Variants in SLC1A7 observed in about 807,000 individuals in gnomAD.
The protein encoded by SLC1A7 is solute carrier family 1 member 7, also known as excitatory amino acid transporter 5.
SLC1A7 carries 40 observed loss-of-function variants against 47.7 expected under a neutral mutation model. That is an observed-to-expected ratio of 0.84 (90% confidence interval 0.65 to 1.09). The LOEUF (loss-of-function observed/expected upper bound fraction) is 1.09. Ranked by LOEUF, SLC1A7 falls within the 50% of genes least tolerant of loss-of-function variation. SLC1A7 has a pLI of 0.00. For synonymous variants in SLC1A7, 323 were observed against 325.6 expected (o/e 0.99, Z 0.09); for missense variants, 746 against 769.5 (o/e 0.97, Z 0.36).
chr1:53,088,885 CTG>C lies in SLC1A7; in HGVS notation c.1454_1455del (p.Thr485ArgfsTer54). 1 of 1,613,776 alleles carries C rather than the reference CTG, an allele frequency of 6.2e-7. No individual in the cohort carries two copies. Among genetic ancestry groups the C allele is most frequent in the South Asian group, 1.1e-5 (1 of 91,080 alleles). ...HICRKDFARD[T>X]GTEKLLPCET... ...GATCTCACTGCTCTCACCTCGGTGC[CTG>C]TGTCCCGGGCAAAATCCTTCCGACA... is the stretch of plus-strand genomic sequence containing the variant. On this transcript the variant is annotated frameshift_variant, in exon 10 of 11. Coordinates refer to ENST00000371494, the MANE Select transcript of SLC1A7 (RefSeq NM_006671.6). LOFTEE classifies it high-confidence loss of function.
intron 3 of SLC1A7, among the ~76,000 whole-genome samples, chr1:53,110,908 A>G (rs927651097): frequency 3.3e-5 from 5 of 151,822 alleles, no homozygotes; most frequent in African/African-American, 1.2e-4. Context: ...CCTCCTGGGG[A>G]TCAGACCCCA....
intron 3 of SLC1A7, among the ~76,000 whole-genome samples, chr1:53,107,153 T>TAAA (rs11417607): frequency 1.2e-4 from 3 of 24,336 alleles, no homozygotes; most frequent in Non-Finnish European, 2.0e-4. Context: ...AGACTCTGAC[T>TAAA]AAAAAAAAAA....
At chr1:53,137,299 A>AAAAAAAAAAAAAAAAAAAAAT (rs71044460) in intron 1 of SLC1A7, among the ~76,000 whole-genome samples, 6 of 139,690 alleles carry the variant, frequency 4.3e-5, no homozygotes, top group Non-Finnish European at 6.2e-5. Flanking sequence ...AAAAAAAAAA[A>AAAAAAAAAAAAAAAAAAAAAT]GTGCTCTACT....
rs1164435646 is a variant in SLC1A7 at position 53,103,538 on chromosome 1, A to T, written c.505T>A (p.Ser169Thr). 11 of 1,606,604 alleles carry T rather than the reference A, an allele frequency of 6.8e-6. No individual in the cohort carries two copies. The highest frequency in any genetic ancestry group is 9.4e-6 in the Non-Finnish European group (11 of 1,175,968). The change falls in exon 5 of 11, where the codon TCC becomes ACC. Residue 169 changes from serine (S) to threonine (T), a missense_variant. Coordinates refer to ENST00000371494, the MANE Select transcript of SLC1A7 (RefSeq NM_006671.6). ...GCCTCCTCTGGTGCCACCTTGGGGG[A>T]CTTGACAACTGGGGTGGTCTTGGTG... is the stretch of plus-strand genomic sequence containing the variant. ...YRTKTTPVVK[S>T]PKVAPEEAPP...
rs114684774 is a variant in SLC1A7 at position 53,112,555 on chromosome 1, C to A, written c.431+2203G>T. Among the ~76,000 whole-genome samples the A allele has an allele frequency of 9.4e-3, 1,435 of 152,326 alleles. 9 individuals are homozygous for A. Among genetic ancestry groups the A allele is most frequent in the South Asian group, 0.033 (161 of 4,824 alleles). ...GCCTGTGTATGGGCATCTATCCCCACGGGGGAGGAAAGGAATGCTTCTCCA... is the reference window on the plus strand; with the variant it reads ...GCCTGTGTATGGGCATCTATCCCCAAGGGGGAGGAAAGGAATGCTTCTCCA... On this transcript the variant is annotated intron_variant, in intron 3 of 10. Coordinates refer to ENST00000371494, the MANE Select transcript of SLC1A7 (RefSeq NM_006671.6).
intron 1 of SLC1A7, among the ~76,000 whole-genome samples, chr1:53,141,976 G>A (rs1234085145): frequency 6.6e-6 from 1 of 152,066 alleles, no homozygotes; most frequent in Non-Finnish European, 1.5e-5. Flanking sequence ...CCTTTAGGAG[G>A]TGTTCTCTGG....
At chr1:53,091,072 G>A in intron 7 of SLC1A7, 3 of 954,960 alleles carry the variant, frequency 3.1e-6, no homozygotes, top group Admixed American at 2.9e-5. Context: ...GCTGTGCCGA[G>A]GGATATGGAG....
intron 2 of SLC1A7, among the ~76,000 whole-genome samples, chr1:53,130,848 C>T (rs1223609523): frequency 1.3e-5 from 2 of 152,016 alleles, no homozygotes; most frequent in African/African-American, 2.4e-5. Context: ...GACACCCAGC[C>T]CTGGGCTGGC....
chr1:53,118,617 T>C (rs1644788146), intron 2 of SLC1A7: 1 of 152,228 alleles, frequency 6.6e-6, no homozygotes, highest in Non-Finnish European at 1.5e-5. Context: ...AAGAAACAGG[T>C]GAAATTAGTT....
At chr1:53,110,829 G>A (rs1257156398) in intron 3 of SLC1A7, among the ~76,000 whole-genome samples, 4 of 152,060 alleles carry the variant, frequency 2.6e-5, no homozygotes, top group Non-Finnish European at 2.9e-5. Flanking sequence ...CAGTGCGGCC[G>A]TGAGCCAAGG....
chr1:53,101,178 ACACT>A (rs1644573684), intron 5 of SLC1A7, among the ~76,000 whole-genome samples: 1 of 147,102 alleles, frequency 6.8e-6, no homozygotes, highest in African/African-American at 2.5e-5. Flanking sequence ...CTGCCTCGGA[ACACT>A]CACACAAATC....
intron 2 of SLC1A7, among the ~76,000 whole-genome samples, chr1:53,133,062 T>G (rs971083676): frequency 6.6e-6 from 1 of 151,862 alleles, no homozygotes; most frequent in Non-Finnish European, 1.5e-5. Flanking sequence ...GAGACCAAGA[T>G]GGAGGGGCAG....
chr1:53,106,416 T>A (rs1236399273), intron 3 of SLC1A7, among the ~76,000 whole-genome samples: 2 of 150,644 alleles, frequency 1.3e-5, no homozygotes, highest in East Asian at 2.0e-4. Flanking sequence ...GGAGATCGAG[T>A]CCACGGTGAA....
At chr1:53,107,683 A>C (rs1268764737) in intron 3 of SLC1A7, among the ~76,000 whole-genome samples, 13 of 152,220 alleles carry the variant, frequency 8.5e-5, no homozygotes, top group African/African-American at 3.1e-4. Context: ...AGCTTTTACA[A>C]ATCTTGGCCT....
rs773824439 is a variant in SLC1A7, at chr1:53,087,973, C to G, written c.*36G>C. The G allele has an allele frequency of 1.7e-6, 2 of 1,176,342 alleles. No individual in the cohort carries two copies. The highest frequency in any genetic ancestry group is 4.4e-5 in the South Asian group (2 of 45,214). The allele number at this position is 1,176,342 out of a possible 1,614,324, so 72.9% of individuals were successfully genotyped here. A position where few individuals can be genotyped will look rare whatever the true frequency, so the allele number is the denominator to read the frequency against. ...CGAGTTCCTGCCTCAGGACCCTGCC[C>G]CTGGAGGCCTCGCCTGCCCCTGCAG... On this transcript the variant is annotated 3_prime_UTR_variant, in exon 11 of 11. Transcript: ENST00000371494.
At chr1:53,097,970 ACAC>A (rs1013097641) in intron 5 of SLC1A7, among the ~76,000 whole-genome samples, 5 of 139,376 alleles carry the variant, frequency 3.6e-5, no homozygotes, top group East Asian at 4.4e-4. Context: ...GTACACTCAC[ACAC>A]CACAACTCGG....
At chr1:53,117,513 G>A (rs1367843361) in intron 2 of SLC1A7, among the ~76,000 whole-genome samples, 2 of 152,320 alleles carry the variant, frequency 1.3e-5, no homozygotes, top group South Asian at 2.1e-4. Flanking sequence ...GGACGGTATA[G>A]CAGCCATCCG....
rs1033800202 is a variant in SLC1A7 at position 53,128,691 on chromosome 1, C to G, written c.215+5659G>C. Among the ~76,000 whole-genome samples, 31 of 141,776 alleles carry G rather than the reference C, an allele frequency of 2.2e-4. 9 individuals are homozygous for G. Among genetic ancestry groups the G allele is most frequent in the African/African-American group, 8.1e-4 (31 of 38,304 alleles). The allele number at this position is 141,776 out of a possible 152,430, so 93.0% of individuals were successfully genotyped here. A position where few individuals can be genotyped will look rare whatever the true frequency, so the allele number is the denominator to read the frequency against. On this transcript the variant is annotated intron_variant, in intron 2 of 10. Transcript: ENST00000371494. ...GTCTGTACCAGTGTTGAGGGAGCAC[C>G]CGGGTGTGCCTCAGTCAAGGGTGGC...
chr1:53,105,717 C>T lies in SLC1A7; in HGVS notation c.474+15G>A, dbSNP rs1644633589. 2 of 1,607,500 alleles carry T rather than the reference C, an allele frequency of 1.2e-6. No individual in the cohort carries two copies. The highest frequency in any genetic ancestry group is 1.7e-6 in the Non-Finnish European group (2 of 1,174,232). On this transcript the variant is annotated intron_variant, in intron 4 of 10. Transcript: ENST00000371494. ...TGCCCCTTCCCTCCCCTCCACTGCC[C>T]AGAGACTCACTCACCTGTTTGAATG...
Sources: gnomAD v4.1 joint callset for allele counts (sites outside exome capture counted in the v4.1 genomes callset) on GRCh38, gnomAD v4.1.1 for gene constraint, MANE v1.5 for transcripts, NCBI Gene and HGNC (gene_info 2026-07-23, HGNC 2026-07-21) for gene names.